NEK10: variants seen among roughly 807,000 people sequenced by gnomAD.
NEK10 encodes NIMA related kinase 10.
In NEK10, 122 loss-of-function variants were observed where a neutral mutation model predicts 159.8. The ratio of observed to expected loss-of-function variants is 0.76; its 90% CI spans 0.66 to 0.89. NEK10 has a LOEUF of 0.89. Among genes scored for constraint, NEK10 ranks in the 40% least tolerant of loss-of-function variants. NEK10 has a pLI of 0.00. For missense variants in NEK10, 1,342 were observed against 1,323.1 expected (o/e 1.01, Z -0.22); for synonymous variants, 466 against 457.1 (o/e 1.02, Z -0.25).
At chr3:27,284,538 A>T (rs771512837) in intron 22 of NEK10, 64 bp downstream of exon 22, 1 of 918,794 alleles carries the variant, frequency 1.1e-6, no homozygotes, top group Non-Finnish European at 1.8e-6. Context: ...TCTACTGGAC[A>T]CTACTACTCT....
chr3:27,314,531 A>G (rs1447844615), intron 6 of NEK10, among the ~76,000 whole-genome samples, 193 bp from the exon 7 acceptor site: 1 of 152,176 alleles, frequency 6.6e-6, no homozygotes, highest in East Asian at 1.9e-4. Context: ...TAAATATGAA[A>G]GTTGGGTTGA....
At chr3:27,148,274 A>G (rs1944499541) in intron 30 of NEK10, among the ~76,000 whole-genome samples, 1 of 152,222 alleles carries the variant, frequency 6.6e-6, no homozygotes. Flanking sequence ...AAAGGGAATT[A>G]ATAGAAGCTT....
chr3:27,113,012 C>G (rs1559468371), intron 35 of NEK10, among the ~76,000 whole-genome samples: 1 of 152,168 alleles, frequency 6.6e-6, no homozygotes, highest in Non-Finnish European at 1.5e-5. Context: ...TGAAGCCTGA[C>G]TTATTTCTTG....
chr3:27,113,153 G>A (rs2125401714), intron 35 of NEK10, among the ~76,000 whole-genome samples: 1 of 152,250 alleles, frequency 6.6e-6, no homozygotes, highest in East Asian at 1.9e-4. Context: ...CCAAAAGGGG[G>A]TCGGGTGTGG....
At chr3:27,278,878 G>A (rs2041952821) in intron 22 of NEK10, 1 of 984,562 alleles carries the variant, frequency 1.0e-6, no homozygotes, top group African/African-American at 1.7e-5. Flanking sequence ...ACAGTATTTA[G>A]GGCAAATGTT....
At chr3:27,346,336 C>A in intron 3 of NEK10, 120 bp from the exon 4 acceptor site, 1 of 1,007,030 alleles carries the variant, frequency 9.9e-7, no homozygotes, top group Non-Finnish European at 1.5e-6. Flanking sequence ...ATTAAGATAA[C>A]AACCCTTTCA....
At chr3:27,297,836 G>A (rs1331377676) in intron 13 of NEK10, among the ~76,000 whole-genome samples, 2 of 152,096 alleles carry the variant, frequency 1.3e-5, no homozygotes, top group African/African-American at 2.4e-5. Context: ...AGCCTTTGGT[G>A]GTATTTTGCA....
At chr3:27,286,659 GGAT>G (rs2042639932) in intron 20 of NEK10, among the ~76,000 whole-genome samples, 2 of 149,044 alleles carry the variant, frequency 1.3e-5, no homozygotes, top group Admixed American at 6.8e-5. Context: ...CAAAATGCTA[GGAT>G]CATAGGCGTG....
At chr3:27,156,929 GATATATATATATAT>G (rs4016654) in intron 30 of NEK10, among the ~76,000 whole-genome samples, 2,207 of 28,330 alleles carry the variant, frequency 0.078, 79 homozygotes, top group East Asian at 0.14. Flanking sequence ...TAAAGAAACT[GATATATATATATAT>G]ATATATATAT....
intron 1 of NEK10, among the ~76,000 whole-genome samples, chr3:27,367,065 G>A (rs777034800): frequency 2.0e-5 from 3 of 151,886 alleles, no homozygotes; most frequent in Non-Finnish European, 4.4e-5. Context: ...CCACCTCATC[G>A]TCCCAAAGTG....
At chr3:27,173,751 A>C (rs192438059) in intron 28 of NEK10, among the ~76,000 whole-genome samples, 25 of 151,830 alleles carry the variant, frequency 1.6e-4, no homozygotes, top group Admixed American at 1.6e-3. Context: ...TTATCAACTT[A>C]CTCTTTTTTA....
chr3:27,293,641 G>A lies in NEK10; in HGVS notation c.1320C>T (p.Phe440=), dbSNP rs2043154546. 1 of 1,568,580 alleles carries A rather than the reference G, an allele frequency of 6.4e-7. No individual in the cohort carries two copies. Among genetic ancestry groups the A allele is most frequent in the African/African-American group, 1.4e-5 (1 of 73,868 alleles). ...TACTGAAGAGAAATCTCAAGGCTCT[G>A]AAAGCATAACACTAGAAAACAAAAG... ...AKSNLLQCYA[F]RALRFLFSME... The change falls in exon 16 of 36, where the codon TTC becomes TTT. Residue 440 remains phenylalanine, a synonymous_variant. Transcript: ENST00000691995.
Position 27,301,813 on chromosome 3 carries a change from G to A in NEK10, c.1051C>T (p.His351Tyr), listed in dbSNP as rs2043845747. The A allele has an allele frequency of 6.4e-7, 1 of 1,552,562 alleles. No individual in the cohort carries two copies. The highest frequency in any genetic ancestry group is 8.7e-7 in the Non-Finnish European group (1 of 1,147,250). Residue 351 changes from histidine to tyrosine, a missense_variant, in exon 13 of 36, where the codon CAC (histidine) becomes TAC (tyrosine). Physicochemically the swap from His to Tyr is moderately conservative, Grantham distance 83. Transcript: ENST00000691995. ...CTGGACAGGCTTCCAATGGAGGAGT[G>A]ATCAGAAACAAAATTTCTGTCTCTG... ...LQGDRNFVSDHSSIGSLSSAN... is the reference protein window; with the variant it reads ...LQGDRNFVSDYSSIGSLSSAN...
chr3:27,132,814 A>G (rs2125526163), intron 31 of NEK10, among the ~76,000 whole-genome samples: 1 of 152,312 alleles, frequency 6.6e-6, no homozygotes, highest in East Asian at 1.9e-4. Context: ...AATTATGGAA[A>G]GAACTTGAAG....
intron 22 of NEK10, among the ~76,000 whole-genome samples, chr3:27,256,912 CTTTTTTTTTT>C (rs550014186): frequency 1.6e-5 from 2 of 125,120 alleles, no homozygotes; most frequent in Non-Finnish European, 1.7e-5. Context: ...TTTTTTCTCT[CTTTTTTTTTT>C]TTTTTTTTTT....
chr3:27,201,988 A>C (rs11923983), intron 24 of NEK10, among the ~76,000 whole-genome samples: 35,478 of 108,304 alleles, frequency 0.33, 4,470 homozygotes, highest in Middle Eastern at 0.45. Context: ...GTGAAACCTA[A>C]AAAAAAAAAT....
In NEK10 at chr3:27,344,260, G is replaced by A; in HGVS notation, c.362+12C>T. 2 of 1,389,660 alleles carry A rather than the reference G, an allele frequency of 1.4e-6. No individual in the cohort carries two copies. The highest frequency in any genetic ancestry group is 1.0e-6 in the Non-Finnish European group (1 of 984,910). The allele number at this position is 1,389,660 out of a possible 1,614,324, so 86.1% of individuals were successfully genotyped here. A position where few individuals can be genotyped will look rare whatever the true frequency, so the allele number is the denominator to read the frequency against. ...TCTTCAGTAAAAGCCTGTTTTCCAGGAACAATCTTACCTGCTTATGAGTCT... is the reference window on the plus strand; with the variant it reads ...TCTTCAGTAAAAGCCTGTTTTCCAGAAACAATCTTACCTGCTTATGAGTCT... On this transcript the variant is annotated intron_variant, in intron 5 of 35. Coordinates refer to ENST00000691995, the MANE Select transcript of NEK10 (RefSeq NM_001394966.1).
At chr3:27,257,682 G>A (rs1464601582) in intron 22 of NEK10, among the ~76,000 whole-genome samples, 2 of 152,082 alleles carry the variant, frequency 1.3e-5, no homozygotes, top group Non-Finnish European at 2.9e-5. Context: ...TAAAAGACAG[G>A]ACTCAGGAAC....
intron 32 of NEK10, among the ~76,000 whole-genome samples, chr3:27,127,100 C>T (rs1331943145): frequency 2.0e-5 from 3 of 152,112 alleles, no homozygotes; most frequent in African/African-American, 7.2e-5. Flanking sequence ...TCAATGAATT[C>T]CACGTACCCG....
Sources: gnomAD v4.1 joint callset for allele counts (sites outside exome capture counted in the v4.1 genomes callset) on GRCh38, gnomAD v4.1.1 for gene constraint, MANE v1.5 for transcripts, NCBI Gene and HGNC (gene_info 2026-07-23, HGNC 2026-07-21) for gene names.